Variants in HNF1A observed in about 807,000 individuals in gnomAD.
HNF1A encodes the protein hepatocyte nuclear factor 1-alpha.
In HNF1A, 21 loss-of-function variants were observed where a neutral mutation model predicts 62.2. The observed-to-expected ratio is 0.34, with a 90% CI of 0.24 to 0.49. The LOEUF (loss-of-function observed/expected upper bound fraction) is 0.49. Among genes scored for constraint, HNF1A ranks in the 20% least tolerant of loss-of-function variants. The probability of loss-of-function intolerance (pLI) is 0.99; values close to 1 mark genes in which losing one functional copy is unlikely to be tolerated. For missense variants in HNF1A, 687 were observed against 832.3 expected (o/e 0.83, Z 2.15); for synonymous variants, 374 against 366.8 (o/e 1.02, Z -0.22).
intron 4 of HNF1A, among the ~76,000 whole-genome samples, chr12:120,994,724 C>A (rs1210783713): frequency 2.0e-5 from 3 of 151,452 alleles, no homozygotes; most frequent in Non-Finnish European, 2.9e-5. Flanking sequence ...CCACTCCACT[C>A]CGTCCAACTT....
intron 9 of HNF1A, 36 bp from the exon 10 acceptor site, chr12:121,001,029 C>G (rs1877434157): frequency 1.4e-5 from 22 of 1,611,244 alleles, no homozygotes; most frequent in Non-Finnish European, 1.8e-5. Flanking sequence ...GTGTGGGTGC[C>G]TGGTGGGTGG....
At chr12:120,999,756 C>A (rs2135852012) in intron 9 of HNF1A, 129 bp downstream of exon 9, 2 of 1,251,104 alleles carry the variant, frequency 1.6e-6, no homozygotes, top group Non-Finnish European at 2.2e-6. Flanking sequence ...TGTGAGGAAG[C>A]ACTGGCAGGC....
intron 2 of HNF1A, among the ~76,000 whole-genome samples, chr12:120,992,687 T>C (rs1002751037): frequency 6.6e-6 from 1 of 152,014 alleles, no homozygotes; most frequent in Non-Finnish European, 1.5e-5. Flanking sequence ...CCCAGCACAT[T>C]TGGGAGGCAA....
At position 120,979,140 on chromosome 12, in the gene HNF1A, G is replaced by GC. The variant is rs774971768; in HGVS notation, c.326+52dup. 1.2e-5 allele frequency: 19 copies of GC among 1,524,932 alleles called. 1 individual carries two copies. The highest frequency in any genetic ancestry group is 9.5e-5 in the South Asian group (8 of 84,496). The allele number at this position is 1,524,932 out of a possible 1,614,324, so 94.5% of individuals were successfully genotyped here. A position where few individuals can be genotyped will look rare whatever the true frequency, so the allele number is the denominator to read the frequency against. On this transcript the variant is annotated intron_variant, in intron 1 of 9. Coordinates refer to ENST00000257555, the MANE Select transcript of HNF1A (RefSeq NM_000545.8). ...CCCGCTCCCAGGAGAGCCTAGAGGG[G>GC]CCCCCCTCAGCTCCTAACGAGCCCC...
intron 1 of HNF1A, 121 bp from the exon 2 acceptor site, chr12:120,988,712 A>G: frequency 1.2e-6 from 1 of 866,912 alleles, no homozygotes; most frequent in Non-Finnish European, 1.9e-6. Flanking sequence ...GGGCTCCATA[A>G]CTGCTTTCAT....
chr12:120,998,761 G>A (rs1384686889), intron 7 of HNF1A, among the ~76,000 whole-genome samples: 1 of 152,194 alleles, frequency 6.6e-6, no homozygotes, highest in East Asian at 1.9e-4. Context: ...GGAGATGGAA[G>A]TACTGCTGTC....
rs1295077431 is a variant in HNF1A, at chr12:120,978,589, C to A, written c.-180C>A. On this transcript the variant is annotated 5_prime_UTR_variant, in exon 1 of 10. It adds an upstream start codon to the 5' untranslated region. Transcript: ENST00000257555. ...GGCAGGGGCCCTGATTCACGGGCCG[C>A]TGGGGCCAGGGTTGGGGGTTGGGGG... The A allele has an allele frequency of 2.1e-5, 14 of 662,116 alleles. No individual in the cohort carries two copies. In the East Asian group the frequency reaches 3.8e-4, roughly 18 times the overall value. 41.0% of individuals were successfully genotyped at this position (662,116 alleles called of 1,614,324 possible).
rs371365341 is a variant in HNF1A at position 120,988,842 on chromosome 12, G to A, written c.336G>A (p.Pro112=). 3.1e-4 allele frequency: 505 copies of A among 1,614,190 alleles called. No individual in the cohort carries two copies. Among genetic ancestry groups the A allele is most frequent in the Middle Eastern group, 1.8e-3 (11 of 6,062 alleles). ...CCTTGCCCTCTCCCAGGGAGGACCCGTGGCGTGTGGCGAAGATGGTCAAGT... is the reference window on the plus strand; with the variant it reads ...CCTTGCCCTCTCCCAGGGAGGACCCATGGCGTGTGGCGAAGATGGTCAAGT... ...AVVETLLQED[P]WRVAKMVKSY... Residue 112 remains proline (P), a synonymous_variant, in exon 2 of 10, where the codon CCG becomes CCA. Transcript: ENST00000257555.
rs576862555 is a variant in HNF1A, at chr12:120,978,673, T to C, written c.-96T>C. On this transcript the variant is annotated 5_prime_UTR_variant, in exon 1 of 10. Transcript: ENST00000257555. ...GGGCAGTGGGTGCAAGGAGTTTGGT[T>C]TGTGTCTGCCGGCCGGCAGGCAAAC... 5 of 1,184,652 alleles carry C rather than the reference T, an allele frequency of 4.2e-6. 1 individual carries two copies. Among genetic ancestry groups the C allele is most frequent in the Non-Finnish European group, 3.8e-6 (3 of 799,178 alleles). 73.4% of individuals were successfully genotyped at this position (1,184,652 alleles called of 1,614,324 possible). A position where few individuals can be genotyped will look rare whatever the true frequency, so the allele number is the denominator to read the frequency against.
At chr12:120,979,126 G>C in intron 1 of HNF1A, 32 bp downstream of exon 1, 1 of 1,572,824 alleles carries the variant, frequency 6.4e-7, no homozygotes, top group Non-Finnish European at 8.6e-7. Flanking sequence ...CCGCTCCCAG[G>C]AGAGCCTAGA....
At chr12:120,982,118 TGGAG>T (rs1876277443) in intron 1 of HNF1A, among the ~76,000 whole-genome samples, 1 of 152,194 alleles carries the variant, frequency 6.6e-6, no homozygotes, top group Non-Finnish European at 1.5e-5. Context: ...TCGGCCCGGC[TGGAG>T]TGCATGGCGC....
chr12:120,986,320 A>G (rs1354992069), intron 1 of HNF1A, among the ~76,000 whole-genome samples: 1 of 152,208 alleles, frequency 6.6e-6, no homozygotes, highest in African/African-American at 2.4e-5. Flanking sequence ...ATGCACCTCC[A>G]TTTAGTTAAT....
At position 121,001,656 on chromosome 12, in the gene HNF1A, C is replaced by T; in HGVS notation, c.*464C>T. The T allele has an allele frequency of 4.4e-6, 2 of 456,808 alleles. No individual in the cohort carries two copies. The highest frequency in any genetic ancestry group is 8.4e-6 in the Non-Finnish European group (2 of 237,336). The allele number at this position is 456,808 out of a possible 1,614,324, so 28.3% of individuals were successfully genotyped here. On this transcript the variant is annotated 3_prime_UTR_variant, in exon 10 of 10. Coordinates refer to ENST00000257555, the MANE Select transcript of HNF1A (RefSeq NM_000545.8). ...GATCAGCGTGGCCTTGTTCTGTCAC[C>T]AATGTACCCACCGGGCCACTCCTTC...
chr12:120,996,537 G>GT lies in HNF1A; in HGVS notation c.1108-3dup. On this transcript the variant is annotated splice_region_variant and splice_polypyrimidine_tract_variant and intron_variant, in intron 5 of 9. Transcript: ENST00000257555. The surrounding 1 kb of genome is among the most constrained non-coding windows in gnomAD (Gnocchi z 4.5). ...CCCGGACACAGCTTGGCTTCCCCTC[G>GT]TAGGTCTCAGCAGCTGGGGGCCCCC... 6.2e-7 allele frequency: 1 copy of GT among 1,613,422 alleles called. No individual in the cohort carries two copies. Among genetic ancestry groups the GT allele is most frequent in the Non-Finnish European group, 8.5e-7 (1 of 1,179,892 alleles).
Position 120,999,646 on chromosome 12 carries a change from AC to A in HNF1A, c.1768+24del. Reference sequence around the variant, plus strand: ...CCCACAGGTGAGAGGCCCTGGCTCCACCCCCTCCCTTACTGTCCCTGCCCCC... The same window carrying A: ...CCCACAGGTGAGAGGCCCTGGCTCCACCCCTCCCTTACTGTCCCTGCCCCC... On this transcript the variant is annotated intron_variant, in intron 9 of 9. Transcript: ENST00000257555. 6.2e-7 allele frequency: 1 copy of A among 1,602,442 alleles called. No individual in the cohort carries two copies.
At chr12:120,984,222 T>C (rs1411274257) in intron 1 of HNF1A, among the ~76,000 whole-genome samples, 4 of 152,202 alleles carry the variant, frequency 2.6e-5, no homozygotes, top group Non-Finnish European at 4.4e-5. Context: ...TGCTTTCCAT[T>C]TTCACATTCA....
Position 120,988,937 on chromosome 12 carries a change from T to C in HNF1A, c.431T>C (p.Leu144Pro). Residue 144 changes from leucine to proline, a missense_variant, in exon 2 of 10, where the codon CTG (leucine) becomes CCG (proline). This residue lies in a region of HNF1A where 26 missense variants were observed against 60.7 expected (regional missense o/e 0.43). Coordinates refer to ENST00000257555, the MANE Select transcript of HNF1A (RefSeq NM_000545.8). Reference sequence around the variant, plus strand: ...ACCACTGGCCTCAACCAGTCCCACCTGTCCCAACACCTCAACAAGGGCACT... The same window carrying C: ...ACCACTGGCCTCAACCAGTCCCACCCGTCCCAACACCTCAACAAGGGCACT... ...VDTTGLNQSHLSQHLNKGTPM... is the reference protein window; with the variant it reads ...VDTTGLNQSHPSQHLNKGTPM... 1 of 1,614,254 alleles carries C rather than the reference T, an allele frequency of 6.2e-7. No individual in the cohort carries two copies. The highest frequency in any genetic ancestry group is 8.5e-7 in the Non-Finnish European group (1 of 1,180,048).
chr12:120,994,016 G>A, intron 3 of HNF1A, 148 bp from the exon 4 acceptor site: 1 of 1,057,520 alleles, frequency 9.5e-7, no homozygotes, highest in Non-Finnish European at 1.4e-6. Flanking sequence ...AATTGCCCAA[G>A]GTCACACAGC....
At chr12:120,998,667 T>A (rs1458685151) in intron 7 of HNF1A, among the ~76,000 whole-genome samples, 1 of 152,148 alleles carries the variant, frequency 6.6e-6, no homozygotes, top group African/African-American at 2.4e-5. Flanking sequence ...TGTCTGTGTG[T>A]CTCTTGTAGG....
Sources: allele counts gnomAD v4.1 joint callset (sites outside exome capture counted in the v4.1 genomes callset), GRCh38; gene constraint gnomAD v4.1.1; regional missense constraint gnomAD v4.1.1; non-coding constraint Gnocchi (gnomAD v3.1); transcripts MANE v1.5; gene names NCBI Gene and HGNC (gene_info 2026-07-23, HGNC 2026-07-21).